Variants in SLC44A5 observed in about 807,000 individuals in gnomAD.
SLC44A5 encodes choline transporter-like protein 5.
Under a neutral mutation model 101.8 loss-of-function variants are expected in SLC44A5, and 57 were observed. The ratio of observed to expected loss-of-function variants is 0.56; its 90% CI spans 0.45 to 0.70. The LOEUF (loss-of-function observed/expected upper bound fraction) is 0.70. SLC44A5 is among the 30% of genes least tolerant of loss of function. The pLI is 0.00. For synonymous variants in SLC44A5, 281 were observed against 290.9 expected, an observed-to-expected ratio of 0.97 and a Z score of 0.35; for missense variants, 737 against 853.1, an observed-to-expected ratio of 0.86 and a Z score of 1.70.
intron 5 of SLC44A5, among the ~76,000 whole-genome samples, chr1:75,285,427 C>G (rs1177531954): frequency 6.6e-6 from 1 of 151,888 alleles, no homozygotes; most frequent in Non-Finnish European, 1.5e-5. Context: ...TTCAAAGAAC[C>G]AGCATTTTGT....
chr1:75,363,451 A>G (rs971007257), intron 3 of SLC44A5, among the ~76,000 whole-genome samples: 4 of 152,006 alleles, frequency 2.6e-5, no homozygotes, highest in Middle Eastern at 3.4e-3. Context: ...TTGTGAAACT[A>G]CTTTAGGTTT....
intron 4 of SLC44A5, among the ~76,000 whole-genome samples, chr1:75,332,237 C>T (rs932376798): frequency 6.6e-6 from 1 of 152,138 alleles, no homozygotes; most frequent in African/African-American, 2.4e-5. Context: ...GTATAATCCA[C>T]TATGTTTTTC....
Position 75,611,065 on chromosome 1 carries a change from A to C in SLC44A5, c.-95T>G, listed in dbSNP as rs1391772458. 1.4e-5 allele frequency: 14 copies of C among 985,032 alleles called. No individual in the cohort carries two copies. Among genetic ancestry groups the C allele is most frequent in the Non-Finnish European group, 1.7e-5 (14 of 829,882 alleles). The allele number at this position is 985,032 out of a possible 1,614,324, so 61.0% of individuals were successfully genotyped here. On this transcript the variant is annotated 5_prime_UTR_variant, in exon 1 of 24. Coordinates refer to ENST00000370859, the MANE Select transcript of SLC44A5 (RefSeq NM_001130058.2). ...CTCTTACTCCATCATTTCTTCAATA[A>C]CTCCATCAACACTGAACCTTCTAAC...
chr1:75,525,843 A>C (rs1670381077), intron 2 of SLC44A5, among the ~76,000 whole-genome samples: 1 of 152,218 alleles, frequency 6.6e-6, no homozygotes, highest in Admixed American at 6.5e-5. Context: ...CATACTTACA[A>C]ATAGCTATAC....
intron 5 of SLC44A5, among the ~76,000 whole-genome samples, chr1:75,285,925 G>T (rs676258): frequency 0.83 from 126,460 of 152,060 alleles, 52,864 homozygotes; most frequent in East Asian, 0.97. Context: ...CATGTGCTGT[G>T]GAATAGAACA....
chr1:75,709,690 A>C, the SLC44A5 span, among the ~76,000 whole-genome samples: 1 of 152,208 alleles, frequency 6.6e-6, no homozygotes. Context: ...ATAAATTCTA[A>C]AACTGTTTAA....
chr1:75,637,104 C>T, the SLC44A5 span, among the ~76,000 whole-genome samples: 1 of 151,960 alleles, frequency 6.6e-6, no homozygotes, highest in Non-Finnish European at 1.5e-5. Context: ...ATAATTTTAA[C>T]TAATTTAGAT....
chr1:75,540,539 C>T (rs545126310), intron 2 of SLC44A5, among the ~76,000 whole-genome samples: 1 of 151,894 alleles, frequency 6.6e-6, no homozygotes, highest in African/African-American at 2.4e-5. Context: ...TAGATTCAAA[C>T]ATATTCTGGG....
At chr1:75,307,035 G>A (rs1474631078) in intron 4 of SLC44A5, among the ~76,000 whole-genome samples, 1 of 152,078 alleles carries the variant, frequency 6.6e-6, no homozygotes, top group Non-Finnish European at 1.5e-5. Context: ...ACCGCGCCCG[G>A]CCGGTTTCCT....
intron 4 of SLC44A5, among the ~76,000 whole-genome samples, chr1:75,317,289 C>T (rs1039295943): frequency 2.4e-4 from 36 of 152,154 alleles, no homozygotes; most frequent in African/African-American, 8.0e-4. Context: ...TTAAGAAGGA[C>T]TTAAACCAGG....
chr1:75,284,266 A>G (rs1293251822), intron 5 of SLC44A5, among the ~76,000 whole-genome samples: 1 of 152,072 alleles, frequency 6.6e-6, no homozygotes, highest in East Asian at 1.9e-4. Flanking sequence ...TGCAGTTATT[A>G]TAAAAGGGAT....
the SLC44A5 span, among the ~76,000 whole-genome samples, chr1:75,667,797 C>A: frequency 6.6e-6 from 1 of 152,142 alleles, no homozygotes; most frequent in Admixed American, 6.5e-5. Flanking sequence ...ATTTTTTTGC[C>A]ATGTGAACAT....
chr1:75,421,812 T>G (rs544403476), intron 2 of SLC44A5, among the ~76,000 whole-genome samples: 12 of 152,124 alleles, frequency 7.9e-5, no homozygotes, highest in Non-Finnish European at 1.2e-4. Context: ...CATAAAAGCT[T>G]ATGGAATAAG....
chr1:75,376,064 G>C (rs1391574975), intron 3 of SLC44A5, among the ~76,000 whole-genome samples: 1 of 152,130 alleles, frequency 6.6e-6, no homozygotes, highest in Non-Finnish European at 1.5e-5. Flanking sequence ...CCAAGTCAAA[G>C]AAAGGGGTGA....
In SLC44A5 at chr1:75,265,762, T is replaced by C. The variant is rs147145281; in HGVS notation, c.260+9196A>G. Among the ~76,000 whole-genome samples the C allele has an allele frequency of 1.8e-3, 273 of 152,332 alleles. 1 individual carries two copies. The highest frequency in any genetic ancestry group is 6.3e-3 in the African/African-American group (263 of 41,572). ...GCATTGTCCTCTTAATCTTTCTTGT[T>C]TCCTTATCTTAACCTCATGGGGCCA... On this transcript the variant is annotated intron_variant, in intron 6 of 23. Transcript: ENST00000370859.
At chr1:75,401,265 C>T (rs1365195756) in intron 2 of SLC44A5, among the ~76,000 whole-genome samples, 2 of 152,200 alleles carry the variant, frequency 1.3e-5, no homozygotes, top group Non-Finnish European at 1.5e-5. Context: ...TTACTGAACT[C>T]TAACTGGATA....
At chr1:75,341,873 T>C (rs922708644) in intron 3 of SLC44A5, among the ~76,000 whole-genome samples, 8 of 152,230 alleles carry the variant, frequency 5.3e-5, no homozygotes, top group African/African-American at 1.9e-4. Context: ...ATTCCAACAA[T>C]CCCCCATATC....
At chr1:75,514,116 G>A (rs913213210) in intron 2 of SLC44A5, among the ~76,000 whole-genome samples, 5 of 152,130 alleles carry the variant, frequency 3.3e-5, no homozygotes, top group Non-Finnish European at 5.9e-5. Flanking sequence ...AAGCACTGGC[G>A]TTACTGGAGT....
At chr1:75,288,416 T>C (rs1653247348) in intron 5 of SLC44A5, among the ~76,000 whole-genome samples, 1 of 152,220 alleles carries the variant, frequency 6.6e-6, no homozygotes, top group Non-Finnish European at 1.5e-5. Context: ...ATCAAACTCC[T>C]TTTCATTCAT....
Sources: gnomAD v4.1 joint callset for allele counts (sites outside exome capture counted in the v4.1 genomes callset) on GRCh38, gnomAD v4.1.1 for gene constraint, MANE v1.5 for transcripts, NCBI Gene and HGNC (gene_info 2026-07-23, HGNC 2026-07-21) for gene names.